The following PCDHA1 variants were observed in gnomAD, a reference collection of about 807,000 sequenced individuals.
PCDHA1 encodes the protein protocadherin alpha-1.
Under a neutral mutation model 61.3 loss-of-function variants are expected in PCDHA1, and 42 were observed. The ratio of observed to expected loss-of-function variants is 0.69; its 90% CI spans 0.54 to 0.89. PCDHA1 has a LOEUF of 0.89. Ranked by LOEUF, PCDHA1 falls within the 40% of genes least tolerant of loss-of-function variation. PCDHA1 has a pLI of 0.00. For missense variants in PCDHA1, 1,256 were observed against 1,235.3 expected (o/e 1.02, Z -0.25); for synonymous variants, 610 against 553.8 (o/e 1.10, Z -1.43).
intron 1 of PCDHA1, among the ~76,000 whole-genome samples, chr5:140,924,911 TA>T (rs1563069164): frequency 3.0e-4 from 18 of 59,772 alleles, no homozygotes; most frequent in Middle Eastern, 7.5e-3. Flanking sequence ...AAAAATAAAA[TA>T]AAATAAAATA....
rs376600715 is a variant in PCDHA1, at chr5:140,871,207, G to A, written c.2394+82523G>A. The stretch of plus-strand genomic sequence containing the variant: ...GGATGTCAACGTGTACCTGATCATC[G>A]CCATCTGCGTGGTGTCCAGCCTCCT... On this transcript the variant is annotated intron_variant, in intron 1 of 3. Transcript: ENST00000504120. 2.2e-5 allele frequency: 36 copies of A among 1,613,642 alleles called. No individual in the cohort carries two copies. The African/African-American group carries it at 4.0e-4, about 18-fold the overall frequency.
chr5:140,883,397 C>A, intron 1 of PCDHA1: 1 of 1,614,170 alleles, frequency 6.2e-7, no homozygotes. Flanking sequence ...TGTGTCCGAT[C>A]GTGACTCTGG....
intron 3 of PCDHA1, among the ~76,000 whole-genome samples, chr5:141,009,108 A>G (rs529319870): frequency 5.3e-5 from 8 of 152,346 alleles, no homozygotes; most frequent in African/African-American, 1.9e-4. Context: ...TGTTACTATG[A>G]AACTAGATTC....
intron 1 of PCDHA1, chr5:140,927,599 C>T (rs1250728851): frequency 6.2e-7 from 1 of 1,614,070 alleles, no homozygotes; most frequent in African/African-American, 1.3e-5. Context: ...TTTGAGCGCT[C>T]CGTATACCGC....
At chr5:140,896,087 A>T (rs2065366348) in intron 1 of PCDHA1, among the ~76,000 whole-genome samples, 1 of 152,218 alleles carries the variant, frequency 6.6e-6, no homozygotes, top group East Asian at 1.9e-4. Flanking sequence ...CTGGGATTAC[A>T]GGCGTGAGCC....
chr5:140,968,832 C>A (rs1554231147), intron 1 of PCDHA1: 1 of 1,614,200 alleles, frequency 6.2e-7, no homozygotes, highest in East Asian at 2.2e-5. Flanking sequence ...AAAATCCTCC[C>A]TGACACTCAG....
At chr5:141,007,402 A>G in intron 3 of PCDHA1, among the ~76,000 whole-genome samples, 2 of 149,740 alleles carry the variant, frequency 1.3e-5, no homozygotes. Context: ...ATACAAAAAA[A>G]AAAAAAAAAA....
chr5:140,857,736 C>A (rs1554150585), intron 1 of PCDHA1: 1 of 1,597,364 alleles, frequency 6.3e-7, no homozygotes, highest in Admixed American at 1.7e-5. Flanking sequence ...AACGCTCCCG[C>A]GCTGCTGGCG....
At chr5:140,830,346 A>T in intron 1 of PCDHA1, 2 of 1,614,054 alleles carry the variant, frequency 1.2e-6, no homozygotes, top group Non-Finnish European at 1.7e-6. Flanking sequence ...TCGTACTCGC[A>T]GCAGAGGCGG....
At chr5:140,940,776 T>A (rs2092683795) in intron 1 of PCDHA1, among the ~76,000 whole-genome samples, 1 of 152,222 alleles carries the variant, frequency 6.6e-6, no homozygotes, top group African/African-American at 2.4e-5. Flanking sequence ...CTTTTGATGG[T>A]CCATATCCTG....
chr5:140,942,108 A>C (rs2093230471), intron 1 of PCDHA1, among the ~76,000 whole-genome samples: 1 of 152,238 alleles, frequency 6.6e-6, no homozygotes. Context: ...TCATATAATC[A>C]AACTTTATTA....
At chr5:140,873,044 A>G (rs115529200) in intron 1 of PCDHA1, among the ~76,000 whole-genome samples, 15 of 152,172 alleles carry the variant, frequency 9.9e-5, no homozygotes, top group Non-Finnish European at 1.8e-4. Flanking sequence ...GAGTGGTGGT[A>G]TTACAGACTT....
intron 1 of PCDHA1, among the ~76,000 whole-genome samples, chr5:140,912,823 G>C (rs2076078264): frequency 6.6e-6 from 1 of 152,090 alleles, no homozygotes; most frequent in Non-Finnish European, 1.5e-5. Context: ...AAGGGATTTT[G>C]AATTTTATTA....
chr5:140,795,291 C>A, intron 1 of PCDHA1: 2 of 1,614,210 alleles, frequency 1.2e-6, no homozygotes, highest in Non-Finnish European at 1.7e-6. Flanking sequence ...TGGAGGTGAT[C>A]GTGGACAGGC....
Position 140,877,874 on chromosome 5 carries a change from C to T in PCDHA1, c.2394+89190C>T, listed in dbSNP as rs782471585. The T allele has an allele frequency of 2.7e-6, 4 of 1,477,338 alleles. No homozygotes were observed. The African/African-American group carries it at 5.7e-5, about 21-fold the overall frequency. The allele number at this position is 1,477,338 out of a possible 1,614,324, so 91.5% of individuals were successfully genotyped here. ...TAATATTATTTAGATATATTTGTTT[C>T]CTTGAAGAACTTCCGTTTAGGTTAT... is the stretch of plus-strand genomic sequence containing the variant. On this transcript the variant is annotated intron_variant, in intron 1 of 3. Transcript: ENST00000504120.
Position 140,982,534 on chromosome 5 carries a change from A to G in PCDHA1, c.2513A>G (p.Gln838Arg), listed in dbSNP as rs1554244431. Residue 838 changes from glutamine (Q) to arginine (R), a missense_variant, in exon 3 of 4, where the codon CAG becomes CGG. By Grantham distance (43) the Gln-to-Arg change is conservative. Transcript: ENST00000504120. ...GCTGGTCCAGGAGGGCCTGATCAGC[A>G]GTGGCCAACAGTATCCAGTGCAACA... ...LRAGPGGPDQ[Q>R]WPTVSSATPE... 1 of 1,614,222 alleles carries G rather than the reference A, an allele frequency of 6.2e-7. No homozygotes were observed. Among genetic ancestry groups the G allele is most frequent in the Non-Finnish European group, 8.5e-7 (1 of 1,180,036 alleles).
chr5:140,803,871 A>AT (rs1472623512), intron 1 of PCDHA1: 5 of 556,930 alleles, frequency 9.0e-6, no homozygotes, highest in African/African-American at 3.8e-5. Flanking sequence ...TAAGACAAAT[A>AT]TTTTTTCTTA....
At chr5:140,890,217 G>T (rs2153429721) in intron 1 of PCDHA1, among the ~76,000 whole-genome samples, 1 of 152,142 alleles carries the variant, frequency 6.6e-6, no homozygotes, top group South Asian at 2.1e-4. Context: ...TTTTCCCAGA[G>T]ACCTAGTTGT....
At chr5:140,794,149 C>T (rs1351980526) in intron 1 of PCDHA1, among the ~76,000 whole-genome samples, 5 of 152,108 alleles carry the variant, frequency 3.3e-5, no homozygotes, top group Admixed American at 3.3e-4. Context: ...ATAAACAAAA[C>T]GTGGTGTATA....
Sources: gnomAD v4.1 joint callset for allele counts (sites outside exome capture counted in the v4.1 genomes callset) on GRCh38, gnomAD v4.1.1 for gene constraint, MANE v1.5 for transcripts, NCBI Gene and HGNC (gene_info 2026-07-23, HGNC 2026-07-21) for gene names.